Variants in ITPR1 observed in about 807,000 individuals in gnomAD.
ITPR1 encodes inositol 1,4,5-trisphosphate-gated calcium channel ITPR1.
ITPR1 carries 96 observed loss-of-function variants against 318.4 expected under a neutral mutation model. The observed-to-expected ratio is 0.30, with a 90% CI of 0.26 to 0.36. The LOEUF (loss-of-function observed/expected upper bound fraction) is 0.36. Among genes scored for constraint, ITPR1 ranks in the 10% least tolerant of loss-of-function variants. The pLI is 1.00. For missense variants in ITPR1, 2,440 were observed against 3,460.2 expected (o/e 0.71, Z 7.40); for synonymous variants, 1,312 against 1,289.9 (o/e 1.02, Z -0.37).
intron 40 of ITPR1, among the ~76,000 whole-genome samples, chr3:4,719,430 C>T (rs954990238): frequency 6.6e-6 from 1 of 152,200 alleles, no homozygotes; most frequent in African/African-American, 2.4e-5. Context: ...CCCACCAAGT[C>T]GTTTGCCGGT....
intron 53 of ITPR1, 117 bp downstream of exon 53, chr3:4,795,304 A>G: frequency 1.1e-6 from 1 of 878,070 alleles, no homozygotes; most frequent in Non-Finnish European, 1.6e-6. Flanking sequence ...AGTTATCCAC[A>G]TTCAGACAAG....
intron 4 of ITPR1, among the ~76,000 whole-genome samples, chr3:4,610,625 G>A (rs2092011350): frequency 1.3e-5 from 2 of 152,036 alleles, no homozygotes; most frequent in Non-Finnish European, 2.9e-5. Flanking sequence ...CCTTTAATGA[G>A]GTACTGAGAG....
At position 4,521,331 on chromosome 3, in the gene ITPR1, G is replaced by T. The variant is rs73807280; in HGVS notation, c.163+237G>T. The stretch of plus-strand genomic sequence containing the variant: ...TTGTCTATTGAATATGTGTTGACAA[G>T]TGCTAATTCGGTTTAAAGTCTTACA... On this transcript the variant is annotated intron_variant, in intron 4 of 61. Coordinates refer to ENST00000649015, the MANE Select transcript of ITPR1 (RefSeq NM_001378452.1). Among the ~76,000 whole-genome samples, 901 of 152,286 alleles carry T rather than the reference G, an allele frequency of 5.9e-3. 8 individuals are homozygous for T. The highest frequency in any genetic ancestry group is 0.021 in the African/African-American group (873 of 41,572).
intron 4 of ITPR1, among the ~76,000 whole-genome samples, chr3:4,555,205 A>G (rs1224989014): frequency 6.6e-6 from 1 of 152,148 alleles, no homozygotes; most frequent in Non-Finnish European, 1.5e-5. Context: ...GCATTACTGA[A>G]TCCAGTCATC....
chr3:4,570,924 G>T (rs1426498101), intron 4 of ITPR1, among the ~76,000 whole-genome samples: 2 of 152,190 alleles, frequency 1.3e-5, no homozygotes, highest in Non-Finnish European at 2.9e-5. Flanking sequence ...GGTCACAGAG[G>T]TTCTGCTGAT....
chr3:4,504,712 C>A (rs528720643), intron 2 of ITPR1, among the ~76,000 whole-genome samples: 1 of 152,080 alleles, frequency 6.6e-6, no homozygotes, highest in East Asian at 1.9e-4. Flanking sequence ...AAAGGAAGTC[C>A]AAAATTAACC....
At chr3:4,540,562 G>C (rs1412238488) in intron 4 of ITPR1, among the ~76,000 whole-genome samples, 1 of 151,914 alleles carries the variant, frequency 6.6e-6, no homozygotes, top group Non-Finnish European at 1.5e-5. Context: ...TTCATCGAAG[G>C]CTTTTGTGTG....
In ITPR1 at chr3:4,800,436, C is replaced by A; in HGVS notation, c.6943C>A (p.Pro2315Thr). ...TTTTGTCCTTGCAGGAACCCTGGAG[C>A]CCCACTGGTCGGGACTCCTGTGGAC... ...FKGVRGGTLE[P>T]HWSGLLWTAM... Residue 2315 changes from proline (P) to threonine (T), a missense_variant, in exon 54 of 62, where the codon CCC (proline) becomes ACC (threonine). Physicochemically the swap from Pro to Thr is conservative, Grantham distance 38 (BLOSUM62 -1). Coordinates refer to ENST00000649015, the MANE Select transcript of ITPR1 (RefSeq NM_001378452.1). 6.2e-7 allele frequency: 1 copy of A among 1,613,568 alleles called. No homozygotes were observed. The highest frequency in any genetic ancestry group is 8.5e-7 in the Non-Finnish European group (1 of 1,179,748).
At chr3:4,749,361 C>T (rs1232336311) in intron 44 of ITPR1, 1 of 152,060 alleles carries the variant, frequency 6.6e-6, no homozygotes, top group Non-Finnish European at 1.5e-5. Context: ...AGAGGAAATC[C>T]CGTAGTAGGA....
intron 4 of ITPR1, among the ~76,000 whole-genome samples, chr3:4,584,675 G>A (rs970587514): frequency 4.6e-5 from 7 of 152,008 alleles, no homozygotes; most frequent in African/African-American, 1.5e-4. Context: ...GAGAATTAGT[G>A]AAGCTCCGGA....
intron 4 of ITPR1, among the ~76,000 whole-genome samples, chr3:4,605,003 G>A (rs1277820287): frequency 6.6e-6 from 1 of 151,966 alleles, no homozygotes; most frequent in Non-Finnish European, 1.5e-5. Flanking sequence ...ATGGAGTCTT[G>A]TTCTGTCGCC....
At chr3:4,523,378 T>C (rs2082714923) in intron 4 of ITPR1, among the ~76,000 whole-genome samples, 1 of 152,202 alleles carries the variant, frequency 6.6e-6, no homozygotes, top group African/African-American at 2.4e-5. Flanking sequence ...GCATGTATAG[T>C]GGAATGGCTA....
intron 7 of ITPR1, among the ~76,000 whole-genome samples, chr3:4,642,641 C>T (rs909748082): frequency 2.6e-5 from 4 of 152,106 alleles, no homozygotes; most frequent in African/African-American, 9.7e-5. Flanking sequence ...AAGAAACAAC[C>T]GTAGTAAAGA....
chr3:4,510,140 A>G (rs1201804689), intron 2 of ITPR1, among the ~76,000 whole-genome samples: 2 of 152,158 alleles, frequency 1.3e-5, no homozygotes, highest in African/African-American at 2.4e-5. Context: ...GTTAGCCACA[A>G]GTGGTGGTGG....
rs1574882067 is a variant in ITPR1, at chr3:4,691,735, G to C, written c.4029+391G>C. 5.3e-5 allele frequency among the ~76,000 whole-genome samples: 8 copies of C among 152,216 alleles called. 1 individual carries two copies. In the South Asian group the frequency reaches 1.4e-3, roughly 28 times the overall value. ...TAATTAGATGGAAAAAATTTTGCCT[G>C]ATGCTTTTTGAGGAGCAGTTGGTCT... On this transcript the variant is annotated intron_variant, in intron 32 of 61. Transcript: ENST00000649015.
chr3:4,725,402 C>G (rs907995531), intron 40 of ITPR1, 144 bp from the exon 41 acceptor site: 1 of 699,024 alleles, frequency 1.4e-6, no homozygotes, highest in East Asian at 2.7e-5. Context: ...TGCTGAAGCC[C>G]ACTTCGGCAG....
At chr3:4,550,594 G>T (rs1273631448) in intron 4 of ITPR1, among the ~76,000 whole-genome samples, 1 of 152,172 alleles carries the variant, frequency 6.6e-6, no homozygotes, top group African/African-American at 2.4e-5. Flanking sequence ...GGGACAAATG[G>T]CAGACTTTTC....
At position 4,846,400 on chromosome 3, in the gene ITPR1, T is replaced by C. The variant is rs2051784217; in HGVS notation, c.*175T>C. 2.5e-6 allele frequency: 1 copy of C among 402,888 alleles called. No individual in the cohort carries two copies. Among genetic ancestry groups the C allele is most frequent in the Non-Finnish European group, 4.4e-6 (1 of 227,866 alleles). 25.0% of individuals were successfully genotyped at this position (402,888 alleles called of 1,614,324 possible). ...TCTAAAGGTTTGGATATATGTATTGTAATTAGAATTGTTGGCATGATGACA... is the reference window on the plus strand; with the variant it reads ...TCTAAAGGTTTGGATATATGTATTGCAATTAGAATTGTTGGCATGATGACA... On this transcript the variant is annotated 3_prime_UTR_variant, in exon 62 of 62. Transcript: ENST00000649015.
At chr3:4,518,197 C>G (rs534583965) in intron 3 of ITPR1, among the ~76,000 whole-genome samples, 1 of 152,130 alleles carries the variant, frequency 6.6e-6, no homozygotes, top group Non-Finnish European at 1.5e-5. Context: ...TATCTGGATG[C>G]CTGGTTAAAC....
Sources: gnomAD v4.1 joint callset for allele counts (sites outside exome capture counted in the v4.1 genomes callset) on GRCh38, gnomAD v4.1.1 for gene constraint, MANE v1.5 for transcripts, NCBI Gene and HGNC (gene_info 2026-07-23, HGNC 2026-07-21) for gene names.